Variants in RBFOX1 observed in about 807,000 individuals in gnomAD.
The protein encoded by RBFOX1 is RNA binding protein fox-1 homolog 1.
Under a neutral mutation model 57.7 loss-of-function variants are expected in RBFOX1, and 8 were observed. The observed-to-expected ratio is 0.14, with a 90% CI of 0.08 to 0.25. RBFOX1 has a LOEUF of 0.25. RBFOX1 is among the 10% of genes least tolerant of loss of function. RBFOX1 has a pLI of 1.00. For missense variants in RBFOX1, 611 were observed against 548.5 expected (o/e 1.11, Z -1.14); for synonymous variants, 326 against 222.4 (o/e 1.47, Z -4.15).
At chr16:6,861,823 G>GTTTTTT (rs35138717) in intron 3 of RBFOX1, among the ~76,000 whole-genome samples, 4 of 92,452 alleles carry the variant, frequency 4.3e-5, no homozygotes, top group African/African-American at 1.3e-4. Flanking sequence ...GCGTCCCTTG[G>GTTTTTT]TTTTTTTTTT....
chr16:5,397,374 A>G (rs1379881705), intron 1 of RBFOX1, among the ~76,000 whole-genome samples: 1 of 152,170 alleles, frequency 6.6e-6, no homozygotes, highest in Non-Finnish European at 1.5e-5. Flanking sequence ...AGCATTTACT[A>G]GAACAGGATC....
At chr16:5,843,420 G>T (rs770090264) in intron 3 of RBFOX1, among the ~76,000 whole-genome samples, 56 of 152,272 alleles carry the variant, frequency 3.7e-4, no homozygotes, top group Non-Finnish European at 7.8e-4. Context: ...GTTTGCCAAG[G>T]ATAATGGCCT....
intron 2 of RBFOX1, among the ~76,000 whole-genome samples, chr16:6,400,913 G>C (rs570522583): frequency 6.6e-6 from 1 of 152,136 alleles, no homozygotes; most frequent in Non-Finnish European, 1.5e-5. Flanking sequence ...AATCAGCATT[G>C]ATAGTACCTG....
chr16:5,658,447 C>T (rs1000538998), intron 3 of RBFOX1, among the ~76,000 whole-genome samples: 1 of 152,100 alleles, frequency 6.6e-6, no homozygotes, highest in Non-Finnish European at 1.5e-5. Context: ...ACACTTAATT[C>T]ACTTGATGAG....
At chr16:5,274,821 C>G (rs375165476) in intron 1 of RBFOX1, among the ~76,000 whole-genome samples, 1 of 152,224 alleles carries the variant, frequency 6.6e-6, no homozygotes, top group Non-Finnish European at 1.5e-5. Context: ...TCTCCTTACC[C>G]TCTGTTTCCC....
At chr16:7,625,016 T>G (rs1855144829) in intron 10 of RBFOX1, among the ~76,000 whole-genome samples, 1 of 152,078 alleles carries the variant, frequency 6.6e-6, no homozygotes, top group Non-Finnish European at 1.5e-5. Flanking sequence ...AGAAACCTTG[T>G]GTGTGGCAGA....
At chr16:5,283,677 G>A (rs1376265176) in intron 1 of RBFOX1, among the ~76,000 whole-genome samples, 2 of 152,156 alleles carry the variant, frequency 1.3e-5, no homozygotes, top group African/African-American at 4.8e-5. Flanking sequence ...TAGCCCCTTT[G>A]TTTTGGCAAT....
intron 3 of RBFOX1, among the ~76,000 whole-genome samples, chr16:6,886,996 AT>A (rs2064204276): frequency 6.6e-6 from 1 of 151,988 alleles, no homozygotes; most frequent in African/African-American, 2.4e-5. Flanking sequence ...GTTCATGATA[AT>A]TTTTTCCACT....
At chr16:6,240,025 T>A (rs1043243534) in intron 1 of RBFOX1, among the ~76,000 whole-genome samples, 4 of 152,134 alleles carry the variant, frequency 2.6e-5, no homozygotes, top group African/African-American at 9.7e-5. Flanking sequence ...GGCTTGGTGC[T>A]GTCTTCATGA....
intron 12 of RBFOX1, among the ~76,000 whole-genome samples, chr16:7,654,197 CTCTT>C (rs1232645356): frequency 3.3e-5 from 5 of 152,220 alleles, no homozygotes; most frequent in Non-Finnish European, 7.3e-5. Flanking sequence ...TATGTAAATT[CTCTT>C]TGAGACTGAA....
rs191511802 is a variant in RBFOX1 at position 5,406,049 on chromosome 16, G to T, written c.220-61167G>T. 2.9e-3 allele frequency among the ~76,000 whole-genome samples: 435 copies of T among 152,320 alleles called. 3 individuals carry two copies. The highest frequency in any genetic ancestry group is 5.0e-3 in the Non-Finnish European group (338 of 68,028). ...TAGTTGAAGCCACTTTTATCTGGGA[G>T]TTCTCTTACTTGCAACCAAAGGCAT... On this transcript the variant is annotated intron_variant, in intron 1 of 2. Transcript: ENST00000585867.
chr16:6,871,947 G>C (rs2153274851), intron 3 of RBFOX1, among the ~76,000 whole-genome samples: 1 of 149,810 alleles, frequency 6.7e-6, no homozygotes, highest in African/African-American at 2.5e-5. Flanking sequence ...GTGTGTGTGT[G>C]TGTGTGTGTG....
intron 3 of RBFOX1, among the ~76,000 whole-genome samples, chr16:6,683,873 T>C (rs921660949): frequency 6.6e-6 from 1 of 152,210 alleles, no homozygotes; most frequent in Non-Finnish European, 1.5e-5. Context: ...GAAATAACAC[T>C]TTATTTTACA....
At chr16:5,306,250 T>C (rs1394960007) in intron 1 of RBFOX1, among the ~76,000 whole-genome samples, 2 of 152,124 alleles carry the variant, frequency 1.3e-5, no homozygotes, top group Non-Finnish European at 2.9e-5. Flanking sequence ...ACTTAGAACC[T>C]TCAGTGATTT....
At chr16:5,972,063 C>T (rs1355442458) in intron 4 of RBFOX1, among the ~76,000 whole-genome samples, 1 of 152,206 alleles carries the variant, frequency 6.6e-6, no homozygotes, top group African/African-American at 2.4e-5. Context: ...GGGTCTGCAG[C>T]CTGCTGCCTT....
intron 1 of RBFOX1, among the ~76,000 whole-genome samples, chr16:6,139,613 G>A (rs1212808202): frequency 6.6e-6 from 1 of 152,198 alleles, no homozygotes; most frequent in African/African-American, 2.4e-5. Flanking sequence ...CCCCCAAATT[G>A]TCAGCACCCA....
chr16:5,333,843 A>G (rs2064828748), intron 1 of RBFOX1, among the ~76,000 whole-genome samples: 1 of 152,224 alleles, frequency 6.6e-6, no homozygotes. Flanking sequence ...TTTGTGTATC[A>G]TATCTCAACA....
intron 3 of RBFOX1, among the ~76,000 whole-genome samples, chr16:5,854,950 T>C (rs2056987745): frequency 6.6e-6 from 1 of 152,244 alleles, no homozygotes; most frequent in Non-Finnish European, 1.5e-5. Context: ...CATTGTGGTT[T>C]TGATTTGCAT....
intron 3 of RBFOX1, among the ~76,000 whole-genome samples, chr16:6,658,104 C>T (rs1055642288): frequency 2.6e-5 from 4 of 152,090 alleles, no homozygotes; most frequent in Non-Finnish European, 4.4e-5. Context: ...CGGGGCCTCT[C>T]CAAATTGTGC....
Sources: gnomAD v4.1 joint callset for allele counts (sites outside exome capture counted in the v4.1 genomes callset) on GRCh38, gnomAD v4.1.1 for gene constraint, MANE v1.5 for transcripts, NCBI Gene and HGNC (gene_info 2026-07-23, HGNC 2026-07-21) for gene names.